The following ANO4 variants were observed in gnomAD, a reference collection of about 807,000 sequenced individuals.
ANO4 encodes anoctamin-4.
ANO4 carries 69 observed loss-of-function variants against 141.9 expected under a neutral mutation model. That is an observed-to-expected ratio of 0.49 (90% CI 0.40 to 0.59). The LOEUF (loss-of-function observed/expected upper bound fraction) is 0.59. ANO4 is among the 20% of genes least tolerant of loss of function. ANO4 has a pLI of 0.00. For synonymous variants in ANO4, 350 were observed against 394.3 expected (o/e 0.89, Z 1.33); for missense variants, 894 against 1,162.2 (o/e 0.77, Z 3.36).
At chr12:101,075,570 G>A (rs1265303157) in intron 14 of ANO4, among the ~76,000 whole-genome samples, 1 of 149,682 alleles carries the variant, frequency 6.7e-6, no homozygotes, top group Non-Finnish European at 1.5e-5. Flanking sequence ...CGTCTTTTGA[G>A]AACAAAGTCA....
chr12:100,823,620 T>C (rs578089869), intron 1 of ANO4, among the ~76,000 whole-genome samples: 1 of 152,216 alleles, frequency 6.6e-6, no homozygotes, highest in East Asian at 1.9e-4. Flanking sequence ...AACAATTTTA[T>C]ATTAAACAAT....
intron 17 of ANO4, among the ~76,000 whole-genome samples, chr12:101,090,494 A>C (rs1018117577): frequency 6.6e-6 from 1 of 152,172 alleles, no homozygotes; most frequent in African/African-American, 2.4e-5. Flanking sequence ...AAACTATCGC[A>C]AGGACAGAAA....
chr12:101,093,503 C>G (rs1390770466), intron 17 of ANO4, among the ~76,000 whole-genome samples: 1 of 152,046 alleles, frequency 6.6e-6, no homozygotes, highest in Non-Finnish European at 1.5e-5. Context: ...ACTACTTTTC[C>G]TTTTCATTTT....
intron 14 of ANO4, 64 bp from the exon 15 acceptor site, chr12:101,079,129 C>T: frequency 1.5e-6 from 2 of 1,376,582 alleles, no homozygotes; most frequent in Non-Finnish European, 2.1e-6. Flanking sequence ...TATTCAGTGA[C>T]ACAGTTAAGA....
At chr12:100,903,348 C>T (rs1404267728) in intron 2 of ANO4, among the ~76,000 whole-genome samples, 1 of 152,226 alleles carries the variant, frequency 6.6e-6, no homozygotes, top group Non-Finnish European at 1.5e-5. Context: ...TCCAGCATCT[C>T]TTTCCTCCTC....
intron 1 of ANO4, among the ~76,000 whole-genome samples, chr12:100,838,694 G>A (rs1296038592): frequency 1.3e-5 from 2 of 152,138 alleles, no homozygotes; most frequent in African/African-American, 4.8e-5. Context: ...GATTTTATGG[G>A]GCCTTCAAAG....
At chr12:101,096,753 G>A in intron 19 of ANO4, 106 bp downstream of exon 19, 1 of 833,158 alleles carries the variant, frequency 1.2e-6, no homozygotes, top group African/African-American at 1.7e-5. Flanking sequence ...TTTATACAAA[G>A]TGTAAAAAGG....
chr12:101,099,838 A>G, intron 22 of ANO4, 118 bp downstream of exon 22: 1 of 776,112 alleles, frequency 1.3e-6, no homozygotes, highest in East Asian at 3.0e-5. Flanking sequence ...CCTAAGGCAA[A>G]CAGAGAGGAA....
At chr12:100,965,294 G>A (rs1333176623) in intron 5 of ANO4, among the ~76,000 whole-genome samples, 1 of 151,900 alleles carries the variant, frequency 6.6e-6, no homozygotes, top group Non-Finnish European at 1.5e-5. Context: ...TCAGTCCCAA[G>A]TTCTTTCAAA....
chr12:100,900,386 G>A (rs922988795), intron 1 of ANO4, among the ~76,000 whole-genome samples: 14 of 152,150 alleles, frequency 9.2e-5, no homozygotes, highest in African/African-American at 3.1e-4. Context: ...CATGTGCCAT[G>A]TTGGTGTGCT....
chr12:100,895,955 T>C (rs1010046035), intron 1 of ANO4, among the ~76,000 whole-genome samples: 3 of 151,996 alleles, frequency 2.0e-5, no homozygotes, highest in African/African-American at 7.3e-5. Context: ...GCAGGAAACA[T>C]AGGCTTGATG....
At chr12:100,843,428 T>C (rs1455833278) in intron 1 of ANO4, among the ~76,000 whole-genome samples, 3 of 152,178 alleles carry the variant, frequency 2.0e-5, no homozygotes, top group Non-Finnish European at 4.4e-5. Flanking sequence ...CCTTCACACC[T>C]TCTGTTCCTG....
At chr12:100,768,614 T>TTGCACAGTGCCC (rs1281603731) in intron 3 of ANO4, among the ~76,000 whole-genome samples, 1 of 152,238 alleles carries the variant, frequency 6.6e-6, no homozygotes, top group Non-Finnish European at 1.5e-5. Flanking sequence ...TTTCAGTGTC[T>TTGCACAGTGCCC]TGCACAGTGC....
At chr12:101,127,184 C>A in intron 27 of ANO4, 110 bp downstream of exon 27, 2 of 1,144,100 alleles carry the variant, frequency 1.7e-6, no homozygotes, top group Non-Finnish European at 2.4e-6. Context: ...TCAAAATAAA[C>A]TCCTTAGAAG....
At chr12:101,052,084 C>G (rs544188801) in intron 14 of ANO4, among the ~76,000 whole-genome samples, 1 of 152,062 alleles carries the variant, frequency 6.6e-6, no homozygotes, top group African/African-American at 2.4e-5. Flanking sequence ...CTGGGCTTGA[C>G]GTGTTCATTT....
At chr12:100,787,775 TAGG>T (rs2033919675) in intron 3 of ANO4, among the ~76,000 whole-genome samples, 1 of 152,190 alleles carries the variant, frequency 6.6e-6, no homozygotes, top group Admixed American at 6.5e-5. Flanking sequence ...GTCATCCATA[TAGG>T]ATTTTGATAA....
At chr12:100,854,435 C>T (rs1455442660) in intron 1 of ANO4, among the ~76,000 whole-genome samples, 1 of 146,960 alleles carries the variant, frequency 6.8e-6, no homozygotes, top group Non-Finnish European at 1.5e-5. Context: ...TCAACCATTA[C>T]TTTGAATATT....
intron 9 of ANO4, among the ~76,000 whole-genome samples, chr12:101,021,868 C>G (rs2046544809): frequency 6.6e-6 from 1 of 151,844 alleles, no homozygotes; most frequent in Non-Finnish European, 1.5e-5. Context: ...ACATTAATAT[C>G]ACTGTAAAAA....
chr12:101,004,175 G>T (rs560286883), intron 8 of ANO4, among the ~76,000 whole-genome samples: 1 of 151,656 alleles, frequency 6.6e-6, no homozygotes, highest in Admixed American at 6.6e-5. Context: ...CTATAGTGTC[G>T]CAAAGGAAAC....
Sources: allele counts gnomAD v4.1 joint callset (sites outside exome capture counted in the v4.1 genomes callset), GRCh38; gene constraint gnomAD v4.1.1; transcripts MANE v1.5; gene names NCBI Gene and HGNC (gene_info 2026-07-23, HGNC 2026-07-21).